CASK: variants seen among roughly 807,000 people sequenced by gnomAD.
CASK encodes the protein calcium/calmodulin dependent serine protein kinase.
A neutral mutation model predicts 82.9 loss-of-function variants in CASK; 4 were observed. The observed-to-expected ratio is 0.05, with a 90% CI of 0.02 to 0.11. CASK has a LOEUF of 0.11. Ranked by LOEUF, CASK falls within the 10% of genes least tolerant of loss-of-function variation. CASK has a pLI of 1.00. For synonymous variants in CASK, 259 were observed against 253.5 expected (o/e 1.02, Z -0.20); for missense variants, 358 against 720.9 (o/e 0.50, Z 5.76).
At chrX:41,873,283 CA>C (rs1175165867) in intron 1 of CASK, among the ~76,000 whole-genome samples, 9,127 of 31,844 alleles carry the variant, frequency 0.29, 221 homozygotes, top group Non-Finnish European at 0.3. Context: ...TTCTTCCTCA[CA>C]AAAAAAAAAA....
intron 2 of CASK, among the ~76,000 whole-genome samples, chrX:41,837,272 C>T (rs1381824982): frequency 8.9e-6 from 1 of 111,905 alleles, no homozygotes; most frequent in African/African-American, 3.2e-5. Flanking sequence ...ATATCAAAAC[C>T]AGGAAACTGA....
At chrX:41,770,679 A>G (rs1317547845) in intron 3 of CASK, among the ~76,000 whole-genome samples, 2 of 111,334 alleles carry the variant, frequency 1.8e-5, no homozygotes, top group Non-Finnish European at 3.8e-5. Flanking sequence ...GTGAGCCACC[A>G]TGCCCGGCCA....
intron 21 of CASK, among the ~76,000 whole-genome samples, chrX:41,547,683 C>T (rs189101591): frequency 1.5e-4 from 16 of 107,219 alleles, no homozygotes; most frequent in Admixed American, 2.0e-4. Flanking sequence ...AGGGCAGTGG[C>T]GCGATCTTGG....
At chrX:41,529,264 T>A (rs2064762143) in intron 25 of CASK, among the ~76,000 whole-genome samples, 1 of 111,205 alleles carries the variant, frequency 9.0e-6, no homozygotes, top group African/African-American at 3.3e-5. Flanking sequence ...TGGGTAAAAG[T>A]AACTGCTGTG....
intron 8 of CASK, among the ~76,000 whole-genome samples, chrX:41,651,222 C>T (rs5918219): frequency 0.18 from 20,046 of 111,227 alleles, 1,711 homozygotes; most frequent in Non-Finnish European, 0.26. Context: ...TGAAAAATGA[C>T]TAAAATGCCT....
At chrX:41,586,714 C>T (rs1200119903) in intron 14 of CASK, 193 bp downstream of exon 14, 2 of 411,921 alleles carry the variant, frequency 4.9e-6, no homozygotes, top group Non-Finnish European at 8.4e-6. Flanking sequence ...CCAAGAGTAT[C>T]TTTACAGTTG....
At chrX:41,893,265 G>A (rs1214764586) in intron 1 of CASK, among the ~76,000 whole-genome samples, 5 of 111,820 alleles carry the variant, frequency 4.5e-5, no homozygotes, top group African/African-American at 1.6e-4. Flanking sequence ...TTTGTGGACA[G>A]TTCCACTGAA....
intron 1 of CASK, among the ~76,000 whole-genome samples, chrX:41,889,455 G>T (rs1326064797): frequency 9.0e-6 from 1 of 110,955 alleles, no homozygotes; most frequent in East Asian, 2.8e-4. Flanking sequence ...CTTCTTTGGA[G>T]AATTGTCTAT....
At chrX:41,598,996 A>C (rs751231598) in intron 12 of CASK, among the ~76,000 whole-genome samples, 1 of 111,881 alleles carries the variant, frequency 8.9e-6, no homozygotes, top group Non-Finnish European at 1.9e-5. Flanking sequence ...CAAATCTTAC[A>C]CTAAATTTGT....
chrX:41,555,856 G>A, intron 19 of CASK: 1 of 341,080 alleles, frequency 2.9e-6, no homozygotes. Context: ...TTTAAGCAGA[G>A]AGAAAATGTG....
At chrX:41,908,166 T>C (rs949414084) in intron 1 of CASK, among the ~76,000 whole-genome samples, 1 of 110,340 alleles carries the variant, frequency 9.1e-6, no homozygotes, top group Non-Finnish European at 1.9e-5. Context: ...AGGTCAGGAG[T>C]TCAAGATCAG....
intron 1 of CASK, among the ~76,000 whole-genome samples, chrX:41,873,479 T>C (rs1288517300): frequency 3.6e-5 from 4 of 111,360 alleles, no homozygotes; most frequent in Non-Finnish European, 5.7e-5. Context: ...GGGCTGTAGG[T>C]AATTAGAGTT....
At chrX:41,645,706 C>T (rs2066746269) in intron 8 of CASK, among the ~76,000 whole-genome samples, 2 of 111,456 alleles carry the variant, frequency 1.8e-5, no homozygotes, top group East Asian at 5.6e-4. Flanking sequence ...AAAAATCTCA[C>T]CATTTCTATT....
intron 21 of CASK, among the ~76,000 whole-genome samples, chrX:41,546,038 C>A (rs756077392): frequency 9.1e-6 from 1 of 110,436 alleles, no homozygotes; most frequent in Non-Finnish European, 1.9e-5. Context: ...ATGGTGCGAT[C>A]TCAGCTCACT....
At chrX:41,845,699 T>TACACTCCAAATG (rs1174813537) in intron 2 of CASK, among the ~76,000 whole-genome samples, 2 of 111,832 alleles carry the variant, frequency 1.8e-5, no homozygotes, top group Non-Finnish European at 3.8e-5. Flanking sequence ...TTGGAGTGTT[T>TACACTCCAAATG]AATTCATTTA....
chrX:41,797,208 C>T (rs1018076958), intron 2 of CASK, among the ~76,000 whole-genome samples: 1 of 108,895 alleles, frequency 9.2e-6, no homozygotes, highest in Non-Finnish European at 1.9e-5. Flanking sequence ...CCTTCAGCCT[C>T]CCTGACCCCA....
chrX:41,825,124 T>C (rs772224899), intron 2 of CASK, among the ~76,000 whole-genome samples: 1 of 111,739 alleles, frequency 8.9e-6, no homozygotes, highest in Non-Finnish European at 1.9e-5. Flanking sequence ...AGGGAACAGA[T>C]ACCCCATTTT....
intron 8 of CASK, among the ~76,000 whole-genome samples, chrX:41,637,009 C>T (rs1377565343): frequency 9.1e-5 from 10 of 110,148 alleles, no homozygotes; most frequent in Non-Finnish European, 1.7e-4. Context: ...CCCAGGTTGG[C>T]GTGCAGTGGC....
intron 5 of CASK, among the ~76,000 whole-genome samples, chrX:41,682,793 T>G (rs914211692): frequency 7.3e-5 from 8 of 109,487 alleles, no homozygotes; most frequent in Non-Finnish European, 1.3e-4. Flanking sequence ...AAACATTTTT[T>G]GGGGGGTTAG....
Sources: allele counts gnomAD v4.1 joint callset (sites outside exome capture counted in the v4.1 genomes callset), GRCh38; gene constraint gnomAD v4.1.1; transcripts MANE v1.5; gene names NCBI Gene and HGNC (gene_info 2026-07-23, HGNC 2026-07-21).